Variants in DLG2 observed in about 807,000 individuals in gnomAD.
DLG2 encodes discs large MAGUK scaffold protein 2, also known as disks large homolog 2.
DLG2 carries 45 observed loss-of-function variants against 132.5 expected under a neutral mutation model. The ratio of observed to expected loss-of-function variants is 0.34; its 90% CI spans 0.27 to 0.44. DLG2 has a LOEUF of 0.44. DLG2 is among the 20% of genes least tolerant of loss of function. The probability of loss-of-function intolerance (pLI) is 1.00; values close to 1 mark genes in which losing one functional copy is unlikely to be tolerated. For synonymous variants in DLG2, 424 were observed against 419.6 expected, an observed-to-expected ratio of 1.01 and a Z score of -0.13; for missense variants, 1,045 against 1,196.9, an observed-to-expected ratio of 0.87 and a Z score of 1.87.
intron 11 of DLG2, among the ~76,000 whole-genome samples, chr11:84,033,714 G>T (rs538795330): frequency 7.2e-4 from 110 of 152,246 alleles, no homozygotes; most frequent in African/African-American, 2.5e-3. Context: ...GTCAATTACT[G>T]TGGAAAACTT....
chr11:83,747,881 C>A (rs1593552901), intron 18 of DLG2, among the ~76,000 whole-genome samples: 1 of 152,090 alleles, frequency 6.6e-6, no homozygotes, highest in South Asian at 2.1e-4. Flanking sequence ...TTTACAAACA[C>A]TCATATAGAG....
chr11:85,023,012 T>C (rs2060214293), intron 6 of DLG2, among the ~76,000 whole-genome samples: 1 of 152,074 alleles, frequency 6.6e-6, no homozygotes, highest in South Asian at 2.1e-4. Context: ...TAACTGTCAT[T>C]AAACAAATAC....
intron 6 of DLG2, among the ~76,000 whole-genome samples, chr11:84,956,213 G>C (rs1034135390): frequency 3.9e-5 from 6 of 152,086 alleles, no homozygotes; most frequent in African/African-American, 1.4e-4. Flanking sequence ...CTCAAGCAAA[G>C]CAAAAAGCTG....
chr11:83,499,040 G>A (rs1227406762), intron 21 of DLG2, among the ~76,000 whole-genome samples: 3 of 152,082 alleles, frequency 2.0e-5, no homozygotes, highest in African/African-American at 7.2e-5. Flanking sequence ...CCTATAACAA[G>A]TAAAGAGATT....
intron 21 of DLG2, among the ~76,000 whole-genome samples, chr11:83,528,548 C>G (rs2095662512): frequency 2.1e-5 from 1 of 48,760 alleles, no homozygotes; most frequent in Non-Finnish European, 4.8e-5. Context: ...CAAATATTGC[C>G]TCTTTGAAGC....
chr11:83,739,474 T>G (rs1201399014), intron 18 of DLG2, among the ~76,000 whole-genome samples: 1 of 152,142 alleles, frequency 6.6e-6, no homozygotes, highest in Non-Finnish European at 1.5e-5. Flanking sequence ...CATATAATAC[T>G]TCTGTGATAT....
intron 6 of DLG2, among the ~76,000 whole-genome samples, chr11:84,956,540 C>T (rs1566501917): frequency 6.6e-6 from 1 of 152,176 alleles, no homozygotes; most frequent in Non-Finnish European, 1.5e-5. Flanking sequence ...AAGCCTAGGT[C>T]ATAATCTTGC....
At chr11:83,516,580 G>C (rs2095302585) in intron 21 of DLG2, among the ~76,000 whole-genome samples, 1 of 152,154 alleles carries the variant, frequency 6.6e-6, no homozygotes, top group Non-Finnish European at 1.5e-5. Context: ...ATGTTAGCTG[G>C]TTCTTTTGCT....
intron 7 of DLG2, among the ~76,000 whole-genome samples, chr11:84,518,161 C>G (rs1316656105): frequency 3.3e-5 from 3 of 92,132 alleles, no homozygotes; most frequent in African/African-American, 8.8e-5. Context: ...CTATTAGTGG[C>G]CAACGTAACA....
chr11:83,797,749 A>T (rs1352399391), intron 17 of DLG2, among the ~76,000 whole-genome samples: 1 of 151,980 alleles, frequency 6.6e-6, no homozygotes, highest in Non-Finnish European at 1.5e-5. Flanking sequence ...CGATCTCCTG[A>T]CCTTGTGATC....
intron 7 of DLG2, among the ~76,000 whole-genome samples, chr11:84,449,504 A>C (rs2099045213): frequency 6.6e-6 from 1 of 151,730 alleles, no homozygotes; most frequent in African/African-American, 2.4e-5. Flanking sequence ...CTAGATAGAA[A>C]AGGGGAGACT....
chr11:84,301,948 C>A (rs1386269087), intron 7 of DLG2, among the ~76,000 whole-genome samples: 2 of 152,064 alleles, frequency 1.3e-5, no homozygotes, highest in Non-Finnish European at 2.9e-5. Flanking sequence ...GGAACCAACC[C>A]AAATGCCCGT....
intron 15 of DLG2, among the ~76,000 whole-genome samples, chr11:83,884,781 C>T (rs533142730): frequency 2.4e-4 from 37 of 151,306 alleles, no homozygotes; most frequent in South Asian, 4.2e-4. Context: ...TCAGCATTCG[C>T]GGTTCACAAA....
chr11:84,338,667 G>C (rs1010073589), intron 7 of DLG2, among the ~76,000 whole-genome samples: 1 of 152,054 alleles, frequency 6.6e-6, no homozygotes, highest in African/African-American at 2.4e-5. Flanking sequence ...ATTAGTTGGT[G>C]TGGTGGCAGT....
intron 19 of DLG2, among the ~76,000 whole-genome samples, chr11:83,584,774 G>A (rs1468247603): frequency 2.0e-5 from 3 of 152,178 alleles, no homozygotes; most frequent in Non-Finnish European, 2.9e-5. Flanking sequence ...AAGGGGACAA[G>A]GTGAGAATGG....
chr11:84,921,546 A>C (rs960954480), intron 6 of DLG2, among the ~76,000 whole-genome samples: 1 of 152,200 alleles, frequency 6.6e-6, no homozygotes, highest in East Asian at 1.9e-4. Flanking sequence ...TTAGTAGGTA[A>C]GAGTAAAAAG....
At chr11:85,028,431 C>T (rs1373306983) in intron 6 of DLG2, among the ~76,000 whole-genome samples, 1 of 152,144 alleles carries the variant, frequency 6.6e-6, no homozygotes. Context: ...CGGGAACCTA[C>T]CCCTTTCTGC....
At chr11:83,788,725 T>C (rs575228017) in intron 17 of DLG2, among the ~76,000 whole-genome samples, 2 of 152,360 alleles carry the variant, frequency 1.3e-5, no homozygotes, top group South Asian at 2.1e-4. Flanking sequence ...TAAGGTTTAC[T>C]TTTTATAAAA....
At chr11:85,607,320 T>C (rs1462350351) in intron 2 of DLG2, among the ~76,000 whole-genome samples, 1 of 152,194 alleles carries the variant, frequency 6.6e-6, no homozygotes, top group East Asian at 1.9e-4. Flanking sequence ...TTCCCGTACT[T>C]CTGGGCTGAG....
Sources: allele counts gnomAD v4.1 joint callset (sites outside exome capture counted in the v4.1 genomes callset), GRCh38; gene constraint gnomAD v4.1.1; transcripts MANE v1.5; gene names NCBI Gene and HGNC (gene_info 2026-07-23, HGNC 2026-07-21).